Variants in GREB1L observed in about 807,000 individuals in gnomAD.
GREB1L encodes the protein GREB1-like protein.
In GREB1L, 17 loss-of-function variants were observed where a neutral mutation model predicts 200.8. That is an observed-to-expected ratio of 0.08 (90% CI 0.06 to 0.13). The LOEUF (loss-of-function observed/expected upper bound fraction) is 0.13. GREB1L is among the 10% of genes least tolerant of loss of function. The pLI, the probability that GREB1L is intolerant of heterozygous loss-of-function variation, is 1.00. For synonymous variants in GREB1L, 789 were observed against 893.0 expected (o/e 0.88, Z 2.08); for missense variants, 1,657 against 2,367.7 (o/e 0.70, Z 6.23).
chr18:21,430,880 G>A (rs2033095992), intron 7 of GREB1L, among the ~76,000 whole-genome samples: 1 of 151,502 alleles, frequency 6.6e-6, no homozygotes, highest in Non-Finnish European at 1.5e-5. Flanking sequence ...ACAGGCGTGA[G>A]CCACCGCACC....
intron 7 of GREB1L, among the ~76,000 whole-genome samples, chr18:21,422,356 A>G (rs1342103941): frequency 6.6e-6 from 1 of 152,218 alleles, no homozygotes; most frequent in African/African-American, 2.4e-5. Flanking sequence ...GTGTATATAC[A>G]TACATATATA....
intron 1 of GREB1L, among the ~76,000 whole-genome samples, chr18:21,332,150 A>C (rs1349277852): frequency 1.3e-5 from 2 of 152,376 alleles, no homozygotes; most frequent in African/African-American, 4.8e-5. Flanking sequence ...TAAATAATGC[A>C]CATTAACTGA....
chr18:21,278,761 A>T (rs1168305368), intron 1 of GREB1L, among the ~76,000 whole-genome samples: 1 of 152,194 alleles, frequency 6.6e-6, no homozygotes, highest in East Asian at 1.9e-4. Flanking sequence ...AATCATAAGG[A>T]AAAGATATGT....
chr18:21,351,133 A>G (rs1365575806), intron 1 of GREB1L, among the ~76,000 whole-genome samples: 1 of 152,174 alleles, frequency 6.6e-6, no homozygotes, highest in Non-Finnish European at 1.5e-5. Context: ...CATTTATTCA[A>G]ATAGGTTTTT....
chr18:21,316,665 A>G (rs2038873229), intron 1 of GREB1L, among the ~76,000 whole-genome samples: 1 of 151,828 alleles, frequency 6.6e-6, no homozygotes. Context: ...AATAGATAAT[A>G]GTTTCAGAAG....
At chr18:21,409,593 G>T (rs2030713305) in intron 7 of GREB1L, among the ~76,000 whole-genome samples, 1 of 152,132 alleles carries the variant, frequency 6.6e-6, no homozygotes, top group Non-Finnish European at 1.5e-5. Flanking sequence ...ATAATCCTTT[G>T]GGGTGGCACT....
intron 1 of GREB1L, among the ~76,000 whole-genome samples, chr18:21,346,358 G>A (rs569773762): frequency 3.3e-5 from 5 of 151,860 alleles, no homozygotes; most frequent in South Asian, 2.1e-4. Context: ...GACTGCCACC[G>A]GGGAAATCCG....
intron 15 of GREB1L, among the ~76,000 whole-genome samples, chr18:21,462,855 G>A (rs866536976): frequency 9.2e-5 from 14 of 152,112 alleles, no homozygotes; most frequent in Non-Finnish European, 2.1e-4. Flanking sequence ...TAAAATAATG[G>A]GGAAAGGCAA....
intron 4 of GREB1L, among the ~76,000 whole-genome samples, chr18:21,391,058 A>G (rs2040781498): frequency 6.6e-6 from 1 of 152,222 alleles, no homozygotes; most frequent in African/African-American, 2.4e-5. Context: ...AGAAAAAAAC[A>G]TTTTAGTAAA....
chr18:21,444,005 A>C (rs891945574), intron 10 of GREB1L, among the ~76,000 whole-genome samples: 6 of 152,240 alleles, frequency 3.9e-5, no homozygotes, highest in African/African-American at 1.2e-4. Flanking sequence ...TAGAGGGCCA[A>C]CTGTATTTTC....
chr18:21,304,948 A>T (rs573966475), intron 1 of GREB1L, among the ~76,000 whole-genome samples: 2 of 151,234 alleles, frequency 1.3e-5, no homozygotes, highest in South Asian at 2.1e-4. Flanking sequence ...TGAACATCTC[A>T]TCTAAATTAT....
intron 21 of GREB1L, among the ~76,000 whole-genome samples, chr18:21,499,099 C>T (rs1337758386): frequency 6.6e-6 from 1 of 152,196 alleles, no homozygotes; most frequent in African/African-American, 2.4e-5. Flanking sequence ...GGGCATCCCC[C>T]ACCCTAGCTT....
chr18:21,369,796 A>C (rs1004112136), intron 2 of GREB1L, among the ~76,000 whole-genome samples: 4 of 152,020 alleles, frequency 2.6e-5, no homozygotes, highest in Non-Finnish European at 5.9e-5. Context: ...AATAAATACA[A>C]AAATTAGCCA....
intron 13 of GREB1L, 45 bp from the exon 14 acceptor site, chr18:21,452,038 A>G (rs749347567): frequency 6.5e-7 from 1 of 1,539,164 alleles, no homozygotes; most frequent in South Asian, 1.2e-5. Context: ...AAAATGAAAC[A>G]AACATATCCT....
intron 1 of GREB1L, among the ~76,000 whole-genome samples, chr18:21,330,044 C>T (rs1012491583): frequency 2.7e-5 from 4 of 149,340 alleles, no homozygotes; most frequent in African/African-American, 2.5e-5. Flanking sequence ...CTGCATTTAA[C>T]TTTGTAACTG....
intron 7 of GREB1L, among the ~76,000 whole-genome samples, chr18:21,411,908 AG>A (rs2031072296): frequency 6.6e-6 from 1 of 151,824 alleles, no homozygotes; most frequent in African/African-American, 2.4e-5. Context: ...AGCCGGGCGC[AG>A]TGGTGGGCGC....
At chr18:21,349,676 C>A (rs2143252313) in intron 1 of GREB1L, among the ~76,000 whole-genome samples, 1 of 152,094 alleles carries the variant, frequency 6.6e-6, no homozygotes, top group South Asian at 2.1e-4. Context: ...ATCTAGGTCG[C>A]ATGCTCCTTA....
chr18:21,381,050 G>T (rs946543658), intron 2 of GREB1L, among the ~76,000 whole-genome samples: 2 of 152,182 alleles, frequency 1.3e-5, no homozygotes, highest in African/African-American at 2.4e-5. Context: ...AGACCATCCT[G>T]GCTAACACAG....
At chr18:21,512,386 C>A (rs987690800) in intron 27 of GREB1L, among the ~76,000 whole-genome samples, 1 of 152,146 alleles carries the variant, frequency 6.6e-6, no homozygotes, top group Non-Finnish European at 1.5e-5. Context: ...TTTCACTGTA[C>A]AAGTCTTTTG....
Sources: allele counts gnomAD v4.1 joint callset (sites outside exome capture counted in the v4.1 genomes callset), GRCh38; gene constraint gnomAD v4.1.1; transcripts MANE v1.5; gene names NCBI Gene and HGNC (gene_info 2026-07-23, HGNC 2026-07-21).